The following DSCAM variants were observed in gnomAD, a reference collection of about 807,000 sequenced individuals.
The protein encoded by DSCAM is cell adhesion molecule DSCAM.
Under a neutral mutation model 217.7 loss-of-function variants are expected in DSCAM, and 47 were observed. That is an observed-to-expected ratio of 0.22 (90% CI 0.17 to 0.28). DSCAM has a LOEUF of 0.28. DSCAM is among the 10% of genes least tolerant of loss of function. The pLI, the probability that DSCAM is intolerant of heterozygous loss-of-function variation, is 1.00. For synonymous variants in DSCAM, 1,056 were observed against 1,015.3 expected (o/e 1.04, Z -0.76); for missense variants, 2,080 against 2,618.3 (o/e 0.79, Z 4.49).
At chr21:40,041,504 C>T (rs1282500932) in intron 32 of DSCAM, among the ~76,000 whole-genome samples, 2 of 152,288 alleles carry the variant, frequency 1.3e-5, no homozygotes, top group Middle Eastern at 3.4e-3. Context: ...ACCCCATTTC[C>T]ACTTGCGATC....
chr21:40,056,726 G>C (rs1420505361), intron 28 of DSCAM, among the ~76,000 whole-genome samples: 3 of 152,154 alleles, frequency 2.0e-5, no homozygotes, highest in African/African-American at 7.2e-5. Context: ...TCCAATCAAT[G>C]GCATAATCTA....
intron 23 of DSCAM, among the ~76,000 whole-genome samples, chr21:40,084,900 C>T (rs182196202): frequency 2.6e-5 from 4 of 151,814 alleles, no homozygotes; most frequent in East Asian, 1.9e-4. Flanking sequence ...TCCATCCCAC[C>T]GAGAACAGTA....
chr21:40,594,729 T>C (rs1344437565), intron 3 of DSCAM, among the ~76,000 whole-genome samples: 1 of 152,056 alleles, frequency 6.6e-6, no homozygotes, highest in Middle Eastern at 3.4e-3. Context: ...AGATAAAAAC[T>C]TGACTGTCTA....
chr21:40,410,631 G>T (rs2075314398), intron 3 of DSCAM, among the ~76,000 whole-genome samples: 1 of 150,606 alleles, frequency 6.6e-6, no homozygotes, highest in Admixed American at 6.6e-5. Context: ...ATCTAAAGGG[G>T]CCAGGGTTAA....
At chr21:40,205,491 T>C (rs886472025) in intron 11 of DSCAM, among the ~76,000 whole-genome samples, 6 of 151,502 alleles carry the variant, frequency 4.0e-5, no homozygotes, top group African/African-American at 9.7e-5. Context: ...TAATCCCAGC[T>C]ACTCAGGAGG....
At chr21:40,228,306 A>G (rs574181712) in intron 11 of DSCAM, among the ~76,000 whole-genome samples, 70 of 152,232 alleles carry the variant, frequency 4.6e-4, no homozygotes, top group African/African-American at 1.7e-3. Context: ...ACACATAAGG[A>G]GTGAGAGTTA....
intron 1 of DSCAM, among the ~76,000 whole-genome samples, chr21:40,734,882 T>C (rs946206095): frequency 3.3e-5 from 5 of 152,214 alleles, no homozygotes; most frequent in African/African-American, 4.8e-5. Context: ...AATGTTCTCA[T>C]GTATTTATGT....
chr21:40,136,980 C>A (rs1018905240), intron 18 of DSCAM, among the ~76,000 whole-genome samples: 1 of 151,966 alleles, frequency 6.6e-6, no homozygotes, highest in Admixed American at 6.5e-5. Flanking sequence ...CGAGACCATC[C>A]TGGCTAACAC....
chr21:40,506,290 A>G (rs1297940525), intron 3 of DSCAM, among the ~76,000 whole-genome samples: 1 of 152,226 alleles, frequency 6.6e-6, no homozygotes, highest in Non-Finnish European at 1.5e-5. Flanking sequence ...TGAATATTCT[A>G]GCAAATAAAA....
At chr21:40,667,981 G>C (rs1349509550) in intron 3 of DSCAM, among the ~76,000 whole-genome samples, 6 of 152,064 alleles carry the variant, frequency 3.9e-5, no homozygotes, top group East Asian at 1.9e-4. Flanking sequence ...TATTTCCCCA[G>C]TACCTTCCTT....
chr21:40,734,602 G>A (rs1402036641), intron 1 of DSCAM, among the ~76,000 whole-genome samples: 1 of 152,146 alleles, frequency 6.6e-6, no homozygotes, highest in Non-Finnish European at 1.5e-5. Flanking sequence ...TTCTTCGAAT[G>A]TAAATCCAAT....
intron 8 of DSCAM, among the ~76,000 whole-genome samples, chr21:40,333,490 G>C (rs2074397805): frequency 2.0e-5 from 3 of 152,108 alleles, no homozygotes; most frequent in Admixed American, 2.0e-4. Context: ...TCAGCCACCT[G>C]AGTATCTAGG....
At chr21:40,256,243 T>C (rs1246811648) in intron 11 of DSCAM, among the ~76,000 whole-genome samples, 1 of 152,158 alleles carries the variant, frequency 6.6e-6, no homozygotes, top group African/African-American at 2.4e-5. Context: ...TTAATATGTG[T>C]CATTTTGCTG....
In DSCAM at chr21:40,016,013, C is replaced by T. The variant is rs990372699; in HGVS notation, c.5687-2627G>A. Among the ~76,000 whole-genome samples the T allele has an allele frequency of 6.6e-6, 1 of 152,182 alleles. No homozygotes were observed. Among genetic ancestry groups the T allele is most frequent in the African/African-American group, 2.4e-5 (1 of 41,426 alleles). On this transcript the variant is annotated intron_variant, in intron 32 of 32. Transcript: ENST00000400454. This position sits in a 1 kb window ranked among gnomAD's most constrained non-coding sequence, Gnocchi z 4.3. ...ATGAACCCAGGGAGCTGTTTCTGGC[C>T]ACCTTGAGGTCTGAAGGACTCACCA...
intron 18 of DSCAM, among the ~76,000 whole-genome samples, chr21:40,139,764 T>C (rs1486398263): frequency 1.3e-5 from 2 of 150,938 alleles, no homozygotes; most frequent in Admixed American, 6.6e-5. Flanking sequence ...ATGTGGCGTG[T>C]GGTATATGAG....
chr21:40,812,051 T>C (rs1288303168), intron 1 of DSCAM, among the ~76,000 whole-genome samples: 1 of 152,150 alleles, frequency 6.6e-6, no homozygotes. Flanking sequence ...AAACAATAGA[T>C]CAGGAGAAGG....
intron 1 of DSCAM, among the ~76,000 whole-genome samples, chr21:40,774,292 G>A (rs1018647717): frequency 3.3e-5 from 5 of 152,240 alleles, no homozygotes; most frequent in African/African-American, 9.6e-5. Context: ...TGATGTGAGA[G>A]AGACATAGAC....
At chr21:40,731,728 A>AC (rs148482159) in intron 1 of DSCAM, among the ~76,000 whole-genome samples, 5,884 of 79,632 alleles carry the variant, frequency 0.074, 404 homozygotes, top group Non-Finnish European at 0.085. Flanking sequence ...TTCCCACTGC[A>AC]CCCCCCCCCC....
At chr21:40,229,158 T>C (rs1396039593) in intron 11 of DSCAM, among the ~76,000 whole-genome samples, 1 of 152,210 alleles carries the variant, frequency 6.6e-6, no homozygotes, top group African/African-American at 2.4e-5. Flanking sequence ...AGAAACAACT[T>C]TGTCAACCAG....
Sources: gnomAD v4.1 joint callset for allele counts (sites outside exome capture counted in the v4.1 genomes callset) on GRCh38, gnomAD v4.1.1 for gene constraint, Gnocchi (gnomAD v3.1) non-coding constraint, MANE v1.5 for transcripts, NCBI Gene and HGNC (gene_info 2026-07-23, HGNC 2026-07-21) for gene names.